The following AKAP6 variants were observed in gnomAD, a reference collection of about 807,000 sequenced individuals.
The protein encoded by AKAP6 is A-kinase anchor protein 6.
In AKAP6, 58 loss-of-function variants were observed where a neutral mutation model predicts 188.5. That is an observed-to-expected ratio of 0.31 (90% CI 0.25 to 0.38). The LOEUF (loss-of-function observed/expected upper bound fraction) is 0.38, where lower values mean the gene tolerates loss of function less well. Among genes scored for constraint, AKAP6 ranks in the 10% least tolerant of loss-of-function variants. The probability of loss-of-function intolerance (pLI) is 1.00; values close to 1 mark genes in which losing one functional copy is unlikely to be tolerated. For synonymous variants in AKAP6, 989 were observed against 998.6 expected (o/e 0.99, Z 0.18); for missense variants, 2,710 against 2,740.0 (o/e 0.99, Z 0.24).
intron 12 of AKAP6, among the ~76,000 whole-genome samples, chr14:32,786,310 T>G (rs1179848810): frequency 1.0e-5 from 1 of 95,256 alleles, no homozygotes; most frequent in African/African-American, 3.8e-5. Flanking sequence ...TTTTTTTTTT[T>G]TTTTTTTTTT....
At chr14:32,700,216 G>A (rs1023110509) in intron 9 of AKAP6, among the ~76,000 whole-genome samples, 2 of 152,174 alleles carry the variant, frequency 1.3e-5, no homozygotes, top group African/African-American at 4.8e-5. Flanking sequence ...TGGTGAGGGT[G>A]TGCCCTATCA....
intron 7 of AKAP6, among the ~76,000 whole-genome samples, chr14:32,617,419 T>C (rs1474877212): frequency 7.9e-5 from 12 of 152,150 alleles, no homozygotes; most frequent in Admixed American, 3.9e-4. Context: ...ATAGCACTTA[T>C]CACATTCTGT....
chr14:32,371,782 A>G (rs1049906435), intron 1 of AKAP6, among the ~76,000 whole-genome samples: 1 of 152,170 alleles, frequency 6.6e-6, no homozygotes, highest in South Asian at 2.1e-4. Context: ...TGTGGAGACT[A>G]GAAGGAACTA....
At chr14:32,577,758 C>T (rs532542460) in intron 5 of AKAP6, among the ~76,000 whole-genome samples, 62 of 152,196 alleles carry the variant, frequency 4.1e-4, no homozygotes, top group African/African-American at 1.4e-3. Context: ...ACTGTCATTA[C>T]ACTCATCCCT....
At chr14:32,655,838 A>G (rs1479995620) in intron 7 of AKAP6, among the ~76,000 whole-genome samples, 1 of 152,154 alleles carries the variant, frequency 6.6e-6, no homozygotes, top group Non-Finnish European at 1.5e-5. Flanking sequence ...TTTTTTACCA[A>G]TCTAACTTTT....
At chr14:32,779,138 G>A (rs1015405503) in intron 12 of AKAP6, among the ~76,000 whole-genome samples, 4 of 152,040 alleles carry the variant, frequency 2.6e-5, no homozygotes, top group Non-Finnish European at 5.9e-5. Context: ...GCTCACACCT[G>A]TAATTTCAGC....
chr14:32,725,724 A>G (rs1257456458), intron 9 of AKAP6, among the ~76,000 whole-genome samples: 2 of 152,214 alleles, frequency 1.3e-5, no homozygotes, highest in Non-Finnish European at 2.9e-5. Flanking sequence ...TAGCTATATC[A>G]TAGAGTCTAC....
intron 1 of AKAP6, chr14:32,373,586 AC>A (rs1411928248): frequency 1.3e-5 from 2 of 152,208 alleles, no homozygotes; most frequent in Non-Finnish European, 2.9e-5. Context: ...TGTGAGTCCT[AC>A]AAAGGCAATC....
intron 2 of AKAP6, among the ~76,000 whole-genome samples, chr14:32,487,365 A>G (rs1333639293): frequency 6.6e-6 from 1 of 151,918 alleles, no homozygotes; most frequent in Non-Finnish European, 1.5e-5. Flanking sequence ...CTCTTTTTCT[A>G]TTGTTTGGAA....
At chr14:32,545,190 A>C in intron 3 of AKAP6, 40 bp from the exon 4 acceptor site, 1 of 1,556,900 alleles carries the variant, frequency 6.4e-7, no homozygotes, top group Non-Finnish European at 8.8e-7. Context: ...GTTGTAATTG[A>C]TGTTGCATTT....
chr14:32,404,449 A>T (rs1456101077), intron 1 of AKAP6, among the ~76,000 whole-genome samples: 3 of 151,478 alleles, frequency 2.0e-5, no homozygotes, highest in Admixed American at 6.6e-5. Context: ...TTGAGAAGGG[A>T]GGGTGTTTTT....
chr14:32,623,041 G>A (rs1446005653), intron 7 of AKAP6, among the ~76,000 whole-genome samples: 1 of 152,076 alleles, frequency 6.6e-6, no homozygotes, highest in Non-Finnish European at 1.5e-5. Context: ...CACAGGCCAT[G>A]CCTTCCACAC....
intron 8 of AKAP6, among the ~76,000 whole-genome samples, chr14:32,683,085 T>C (rs1392612638): frequency 2.0e-5 from 3 of 151,612 alleles, no homozygotes; most frequent in Non-Finnish European, 4.4e-5. Context: ...CCTCCGCCTC[T>C]TGGGTTCAAG....
intron 2 of AKAP6, among the ~76,000 whole-genome samples, chr14:32,459,726 G>A (rs1343635268): frequency 7.0e-6 from 1 of 143,416 alleles, no homozygotes; most frequent in African/African-American, 2.5e-5. Context: ...AATTGTCACC[G>A]AAATTTGTCA....
At chr14:32,758,117 C>T (rs989415638) in intron 11 of AKAP6, among the ~76,000 whole-genome samples, 3 of 152,148 alleles carry the variant, frequency 2.0e-5, no homozygotes, top group South Asian at 2.1e-4. Context: ...TAGACAATGC[C>T]TTGGAGTCAC....
chr14:32,517,436 G>A (rs1369974341), intron 2 of AKAP6, among the ~76,000 whole-genome samples: 3 of 152,182 alleles, frequency 2.0e-5, no homozygotes, highest in Non-Finnish European at 2.9e-5. Flanking sequence ...GAGGATTGTT[G>A]GACAGTGGGT....
intron 1 of AKAP6, among the ~76,000 whole-genome samples, chr14:32,364,096 C>T (rs1022894628): frequency 5.3e-5 from 8 of 152,024 alleles, no homozygotes; most frequent in Non-Finnish European, 7.4e-5. Flanking sequence ...GAGAAGCAAG[C>T]GTGGCGTGGT....
intron 11 of AKAP6, among the ~76,000 whole-genome samples, chr14:32,758,929 G>A (rs545302993): frequency 4.6e-5 from 7 of 152,086 alleles, no homozygotes; most frequent in Non-Finnish European, 7.4e-5. Flanking sequence ...GTTCCCAGGG[G>A]CTTTACTTTT....
At chr14:32,451,112 C>A (rs1056957035) in intron 2 of AKAP6, among the ~76,000 whole-genome samples, 39 of 152,114 alleles carry the variant, frequency 2.6e-4, no homozygotes, top group Admixed American at 5.2e-4. Context: ...CTACTTTGTG[C>A]AGGTCTGAAA....
Sources: allele counts gnomAD v4.1 joint callset (sites outside exome capture counted in the v4.1 genomes callset), GRCh38; gene constraint gnomAD v4.1.1; transcripts MANE v1.5; gene names NCBI Gene and HGNC (gene_info 2026-07-23, HGNC 2026-07-21).